SH3PXD2A: variants seen among roughly 807,000 people sequenced by gnomAD.
The protein encoded by SH3PXD2A is SH3 and PX domain-containing protein 2A.
SH3PXD2A carries 32 observed loss-of-function variants against 115.2 expected under a neutral mutation model. The observed-to-expected ratio is 0.28, with a 90% CI of 0.21 to 0.37. The LOEUF (loss-of-function observed/expected upper bound fraction) is 0.37, where lower values mean the gene tolerates loss of function less well. Ranked by LOEUF, SH3PXD2A falls within the 10% of genes least tolerant of loss-of-function variation. The pLI is 1.00. For synonymous variants in SH3PXD2A, 610 were observed against 629.1 expected, an observed-to-expected ratio of 0.97 and a Z score of 0.45; for missense variants, 1,328 against 1,498.7, an observed-to-expected ratio of 0.89 and a Z score of 1.88.
chr10:103,755,388 G>A (rs2038629122), intron 3 of SH3PXD2A: 1 of 152,188 alleles, frequency 6.6e-6, no homozygotes, highest in African/African-American at 2.4e-5. Flanking sequence ...GATTAAAACT[G>A]GCCCAGAGTC....
intron 7 of SH3PXD2A, among the ~76,000 whole-genome samples, chr10:103,664,208 G>T (rs999412686): frequency 6.6e-6 from 1 of 152,232 alleles, no homozygotes; most frequent in East Asian, 1.9e-4. Flanking sequence ...TCCTTTCCCA[G>T]TGTGGGGGCA....
At chr10:103,724,453 G>C (rs1417684739) in intron 4 of SH3PXD2A, 92 bp from the exon 5 acceptor site, 3 of 698,976 alleles carry the variant, frequency 4.3e-6, no homozygotes, top group East Asian at 3.3e-5. Context: ...CAGTGACAGA[G>C]AGGCTCAAGA....
intron 1 of SH3PXD2A, among the ~76,000 whole-genome samples, chr10:103,851,743 C>T (rs533870168): frequency 6.6e-6 from 1 of 152,320 alleles, no homozygotes; most frequent in East Asian, 1.9e-4. Context: ...TCGATGGTAA[C>T]TGCTAAACTG....
Position 103,622,473 on chromosome 10 carries a change from G to A in SH3PXD2A, c.799C>T (p.Arg267Ter), listed in dbSNP as rs2036621897. The A allele has an allele frequency of 6.5e-7, 1 of 1,548,108 alleles. No individual in the cohort carries two copies. Among genetic ancestry groups the A allele is most frequent in the Non-Finnish European group, 8.7e-7 (1 of 1,145,122 alleles). The change falls in exon 10 of 15, where the codon CGA becomes TGA. Residue 267 changes from arginine to a stop codon, truncating the protein, a stop_gained. Coordinates refer to ENST00000369774, the MANE Select transcript of SH3PXD2A (RefSeq NM_001394015.1). LOFTEE classifies it high-confidence loss of function. ...AGAAGCCAGCTCCCGCAGTCACCTC[G>A]GCTGTGCTGCCTGTTGACCATCCCG... is the stretch of plus-strand genomic sequence containing the variant. ...LGGMVNRQHS[R>*]EEKYVTVQPY...
intron 6 of SH3PXD2A, among the ~76,000 whole-genome samples, chr10:103,678,471 G>C (rs867095442): frequency 6.6e-6 from 1 of 152,236 alleles, no homozygotes; most frequent in Non-Finnish European, 1.5e-5. Flanking sequence ...CAGCACCACA[G>C]CTCGGCGGCT....
chr10:103,834,398 A>G (rs2039510673), intron 1 of SH3PXD2A, among the ~76,000 whole-genome samples: 2 of 152,274 alleles, frequency 1.3e-5, no homozygotes, highest in South Asian at 4.1e-4. Flanking sequence ...CCACAGGGAC[A>G]GAAAGCAGGT....
intron 5 of SH3PXD2A, among the ~76,000 whole-genome samples, chr10:103,703,054 G>A (rs954539712): frequency 2.0e-5 from 3 of 152,194 alleles, no homozygotes; most frequent in Non-Finnish European, 4.4e-5. Flanking sequence ...GCCTAGTTTC[G>A]ACCTGAGACT....
chr10:103,840,841 T>C (rs907816528), intron 1 of SH3PXD2A, among the ~76,000 whole-genome samples: 1 of 152,182 alleles, frequency 6.6e-6, no homozygotes. Context: ...ACGGTTGTTA[T>C]TGTTATGTAG....
intron 1 of SH3PXD2A, among the ~76,000 whole-genome samples, chr10:103,808,011 GC>G (rs2039224507): frequency 6.6e-6 from 1 of 152,108 alleles, no homozygotes. Flanking sequence ...TGTTCAAAGT[GC>G]CCCCATGTAC....
intron 6 of SH3PXD2A, among the ~76,000 whole-genome samples, chr10:103,687,737 A>G (rs1405879282): frequency 2.0e-5 from 3 of 152,196 alleles, no homozygotes; most frequent in Non-Finnish European, 4.4e-5. Flanking sequence ...ATGAAAGTCA[A>G]AATCCTTAGA....
At chr10:103,688,348 G>A (rs1319112353) in intron 6 of SH3PXD2A, among the ~76,000 whole-genome samples, 2 of 152,186 alleles carry the variant, frequency 1.3e-5, no homozygotes, top group Non-Finnish European at 2.9e-5. Flanking sequence ...AGTACCAGTG[G>A]ACCCTGGGGC....
intron 1 of SH3PXD2A, among the ~76,000 whole-genome samples, chr10:103,811,071 C>G (rs115280689): frequency 6.6e-6 from 1 of 152,144 alleles, no homozygotes; most frequent in Non-Finnish European, 1.5e-5. Flanking sequence ...GCTGGGAAAA[C>G]AATGACGGTC....
intron 8 of SH3PXD2A, among the ~76,000 whole-genome samples, chr10:103,640,415 T>C (rs1470963484): frequency 6.6e-6 from 1 of 151,974 alleles, no homozygotes; most frequent in Non-Finnish European, 1.5e-5. Context: ...CAGCTCAGCA[T>C]TCGCTCTCAG....
At chr10:103,712,334 C>T (rs1232134782) in intron 5 of SH3PXD2A, among the ~76,000 whole-genome samples, 1 of 152,194 alleles carries the variant, frequency 6.6e-6, no homozygotes, top group Admixed American at 6.5e-5. Context: ...TCTGCGTGCC[C>T]TCTGGACCCA....
At chr10:103,729,514 T>G (rs887549253) in intron 4 of SH3PXD2A, among the ~76,000 whole-genome samples, 1 of 152,180 alleles carries the variant, frequency 6.6e-6, no homozygotes, top group Non-Finnish European at 1.5e-5. Flanking sequence ...AGGCCTCAGG[T>G]TGGAGAAGGG....
At chr10:103,709,809 T>A (rs1027862314) in intron 5 of SH3PXD2A, among the ~76,000 whole-genome samples, 1 of 152,140 alleles carries the variant, frequency 6.6e-6, no homozygotes, top group African/African-American at 2.4e-5. Flanking sequence ...ATTAGAGAAT[T>A]AAAACATGTA....
At chr10:103,673,486 C>T (rs1387598013) in intron 6 of SH3PXD2A, 1 of 152,140 alleles carries the variant, frequency 6.6e-6, no homozygotes, top group Non-Finnish European at 1.5e-5. Context: ...TTGCTTGAGC[C>T]CAGGGAGGTC....
intron 3 of SH3PXD2A, among the ~76,000 whole-genome samples, chr10:103,761,725 G>T (rs1023732945): frequency 6.6e-6 from 1 of 152,200 alleles, no homozygotes; most frequent in Non-Finnish European, 1.5e-5. Flanking sequence ...CCAGTGGTCT[G>T]TCTCAGGCAG....
rs1592264582 is a variant in SH3PXD2A at position 103,617,115 on chromosome 10, C to G, written c.920+82G>C. On this transcript the variant is annotated intron_variant, in intron 11 of 14. Transcript: ENST00000369774. ...AAAGCTGTCAGTATCTACCTGCCATCAGGTGGCCATGGCCACTTTGCACTC... is the reference window on the plus strand; with the variant it reads ...AAAGCTGTCAGTATCTACCTGCCATGAGGTGGCCATGGCCACTTTGCACTC... The G allele has an allele frequency of 1.6e-5, 14 of 889,930 alleles. No homozygotes were observed. In the East Asian group the frequency reaches 3.4e-4, roughly 21 times the overall value. 55.1% of individuals were successfully genotyped at this position (889,930 alleles called of 1,614,324 possible).
Sources: allele counts gnomAD v4.1 joint callset (sites outside exome capture counted in the v4.1 genomes callset), GRCh38; gene constraint gnomAD v4.1.1; transcripts MANE v1.5; gene names NCBI Gene and HGNC (gene_info 2026-07-23, HGNC 2026-07-21).